The following DACH1 variants were observed in gnomAD, a reference collection of about 807,000 sequenced individuals.
DACH1 encodes the protein dachshund homolog 1.
In DACH1, 12 loss-of-function variants were observed where a neutral mutation model predicts 54.2. The ratio of observed to expected loss-of-function variants is 0.22; its 90% CI spans 0.14 to 0.36. DACH1 has a LOEUF of 0.36. Ranked by LOEUF, DACH1 falls within the 10% of genes least tolerant of loss-of-function variation. The pLI, the probability that DACH1 is intolerant of heterozygous loss-of-function variation, is 1.00. For synonymous variants in DACH1, 386 were observed against 366.2 expected (o/e 1.05, Z -0.62); for missense variants, 805 against 929.8 (o/e 0.87, Z 1.75).
At chr13:71,631,762 C>T (rs1877117301) in intron 2 of DACH1, among the ~76,000 whole-genome samples, 1 of 152,124 alleles carries the variant, frequency 6.6e-6, no homozygotes, top group African/African-American at 2.4e-5. Context: ...AGTTCATCTT[C>T]ATCCATCCAG....
chr13:71,719,645 G>T (rs1883140853), intron 1 of DACH1, among the ~76,000 whole-genome samples: 1 of 152,124 alleles, frequency 6.6e-6, no homozygotes, highest in South Asian at 2.1e-4. Context: ...TGGGAGGATT[G>T]TCTGAGCCAA....
intron 1 of DACH1, among the ~76,000 whole-genome samples, chr13:71,858,691 T>C (rs1357659350): frequency 1.3e-5 from 2 of 151,800 alleles, no homozygotes; most frequent in Non-Finnish European, 3.0e-5. Context: ...ACCACCATTC[T>C]ACTCTCTGCA....
intron 1 of DACH1, among the ~76,000 whole-genome samples, chr13:71,767,003 C>T (rs2138024436): frequency 6.6e-6 from 1 of 152,134 alleles, no homozygotes; most frequent in Non-Finnish European, 1.5e-5. Flanking sequence ...CCCTCCTCTC[C>T]TCAGAAAAAG....
At position 71,866,979 on chromosome 13, in the gene DACH1, G is replaced by A. The variant is rs1874871381; in HGVS notation, c.-210C>T. 1.1e-5 allele frequency: 4 copies of A among 362,004 alleles called. No individual in the cohort carries two copies. The highest frequency in any genetic ancestry group is 4.8e-5 in the Admixed American group (1 of 20,624). The allele number at this position is 362,004 out of a possible 1,614,324, so 22.4% of individuals were successfully genotyped here. A position where few individuals can be genotyped will look rare whatever the true frequency, so the allele number is the denominator to read the frequency against. On this transcript the variant is annotated 5_prime_UTR_variant, in exon 1 of 11. Transcript: ENST00000613252. The stretch of plus-strand genomic sequence containing the variant: ...CGCAAGAGGGGCGAGCACGAGAGGC[G>A]CTCTGGAGAGGAACGCACAAAAGTG...
At chr13:71,528,420 A>C (rs931254772) in intron 6 of DACH1, among the ~76,000 whole-genome samples, 3 of 103,064 alleles carry the variant, frequency 2.9e-5, no homozygotes, top group Non-Finnish European at 6.3e-5. Context: ...GGAAAAACAG[A>C]TTTTCTTTTT....
chr13:71,645,487 C>T (rs1878202809), intron 2 of DACH1, among the ~76,000 whole-genome samples: 1 of 152,108 alleles, frequency 6.6e-6, no homozygotes, highest in Non-Finnish European at 1.5e-5. Context: ...ATCTCAAGGT[C>T]AGAGAAGCAT....
rs535948580 is a variant in DACH1, at chr13:71,590,793, G to C, written c.1127-17781C>G. Reference sequence around the variant, plus strand: ...TCATCTTCATTGTCCGCCTTCCTGAGAGCATCATATTGCTTAAAAAGTCAT... The same window carrying C: ...TCATCTTCATTGTCCGCCTTCCTGACAGCATCATATTGCTTAAAAAGTCAT... On this transcript the variant is annotated intron_variant, in intron 3 of 10. Transcript: ENST00000613252. Among the ~76,000 whole-genome samples the C allele has an allele frequency of 8.1e-4, 123 of 151,276 alleles. 1 individual carries two copies. The highest frequency in any genetic ancestry group is 2.9e-3 in the African/African-American group (120 of 41,240).
At chr13:71,582,235 AG>A (rs2138436549) in intron 3 of DACH1, among the ~76,000 whole-genome samples, 1 of 152,312 alleles carries the variant, frequency 6.6e-6, no homozygotes, top group Admixed American at 6.5e-5. Context: ...CAAGTTACAC[AG>A]ATTATAATAA....
At chr13:71,446,820 G>A (rs1343563157) in intron 10 of DACH1, among the ~76,000 whole-genome samples, 2 of 152,124 alleles carry the variant, frequency 1.3e-5, no homozygotes, top group African/African-American at 4.8e-5. Flanking sequence ...ACTGAAATCA[G>A]AACTAGAATT....
chr13:71,580,016 T>C (rs536515365), intron 3 of DACH1, among the ~76,000 whole-genome samples: 8 of 152,268 alleles, frequency 5.3e-5, no homozygotes, highest in African/African-American at 1.9e-4. Flanking sequence ...GTCTTGTAAA[T>C]ACAGACTATA....
intron 1 of DACH1, among the ~76,000 whole-genome samples, chr13:71,835,335 T>A (rs888101926): frequency 1.3e-5 from 2 of 151,992 alleles, no homozygotes; most frequent in Non-Finnish European, 2.9e-5. Context: ...AGAAAAAATA[T>A]TGTATGGAGA....
Position 71,781,539 on chromosome 13 carries a change from CG to C in DACH1, c.848+84382del, listed in dbSNP as rs1198180806. ...GACTACAGGCACCCGCCAAAGCGCC[CG>C]GCTAATTTTTTCTATTTTTAGTAGA... On this transcript the variant is annotated intron_variant, in intron 1 of 10. Transcript: ENST00000613252. 2.6e-5 allele frequency among the ~76,000 whole-genome samples: 4 copies of C among 151,862 alleles called. No individual in the cohort carries two copies. In the East Asian group the frequency reaches 7.8e-4, roughly 30 times the overall value.
chr13:71,750,034 T>A (rs1429502283), intron 1 of DACH1, among the ~76,000 whole-genome samples: 9 of 152,208 alleles, frequency 5.9e-5, no homozygotes, highest in Non-Finnish European at 5.9e-5. Flanking sequence ...ATGTGCCAGG[T>A]ACTCTGTTGG....
chr13:71,862,603 A>C (rs544280161), intron 1 of DACH1, among the ~76,000 whole-genome samples: 1 of 152,078 alleles, frequency 6.6e-6, no homozygotes, highest in South Asian at 2.1e-4. Flanking sequence ...AGCAGGTGAT[A>C]GTCTCTTTTT....
At chr13:71,525,626 G>A (rs893149070) in intron 6 of DACH1, among the ~76,000 whole-genome samples, 14 of 152,036 alleles carry the variant, frequency 9.2e-5, no homozygotes, top group African/African-American at 2.9e-4. Context: ...AAGTGTTGTG[G>A]ACATTCTTAT....
At chr13:71,733,003 T>G (rs1883819874) in intron 1 of DACH1, among the ~76,000 whole-genome samples, 1 of 152,124 alleles carries the variant, frequency 6.6e-6, no homozygotes, top group Non-Finnish European at 1.5e-5. Flanking sequence ...ATTTTCTCTG[T>G]CTGGAATGCC....
chr13:71,450,372 A>G (rs750750196), intron 10 of DACH1, among the ~76,000 whole-genome samples: 8 of 151,990 alleles, frequency 5.3e-5, no homozygotes, highest in Non-Finnish European at 1.0e-4. Context: ...TACTATTGTA[A>G]CTGTTTTGGG....
chr13:71,811,346 C>T (rs1012224535), intron 1 of DACH1, among the ~76,000 whole-genome samples: 2 of 151,882 alleles, frequency 1.3e-5, no homozygotes, highest in Non-Finnish European at 2.9e-5. Flanking sequence ...ATGTATGTTC[C>T]ATATTACAGA....
chr13:71,541,284 T>C (rs1883112635), intron 6 of DACH1, among the ~76,000 whole-genome samples: 1 of 152,036 alleles, frequency 6.6e-6, no homozygotes, highest in Non-Finnish European at 1.5e-5. Flanking sequence ...TGACAATGAG[T>C]ATCAGTTACT....
Sources: gnomAD v4.1 joint callset for allele counts (sites outside exome capture counted in the v4.1 genomes callset) on GRCh38, gnomAD v4.1.1 for gene constraint, MANE v1.5 for transcripts, NCBI Gene and HGNC (gene_info 2026-07-23, HGNC 2026-07-21) for gene names.